The following WDR41 variants were observed in gnomAD, a reference collection of about 807,000 sequenced individuals.
The protein encoded by WDR41 is WD repeat-containing protein 41.
Under a neutral mutation model 69.3 loss-of-function variants are expected in WDR41, and 63 were observed. The observed-to-expected ratio is 0.91, with a 90% CI of 0.74 to 1.12. WDR41 has a LOEUF of 1.12. Ranked by LOEUF, WDR41 falls within the 50% of genes most tolerant of loss-of-function variation. WDR41 has a pLI of 0.00. For missense variants in WDR41, 543 were observed against 534.5 expected (o/e 1.02, Z -0.16); for synonymous variants, 185 against 192.1 (o/e 0.96, Z 0.31).
upstream of WDR41, among the ~76,000 whole-genome samples, chr5:77,497,249 T>C (rs1801947749): frequency 1.3e-5 from 2 of 152,038 alleles, no homozygotes; most frequent in Admixed American, 1.3e-4. Flanking sequence ...ATAAACCAAT[T>C]TGACTTCATC....
upstream of WDR41, among the ~76,000 whole-genome samples, chr5:77,493,672 A>G (rs941674062): frequency 2.6e-5 from 4 of 152,240 alleles, no homozygotes; most frequent in Non-Finnish European, 5.9e-5. Context: ...AGACCAAAAC[A>G]GAGACTATCC....
intron 1 of WDR41, among the ~76,000 whole-genome samples, chr5:77,504,820 A>G (rs918649998): frequency 1.3e-5 from 2 of 152,220 alleles, no homozygotes; most frequent in African/African-American, 4.8e-5. Context: ...GACAAAATTC[A>G]ACAGCCCTTC....
At chr5:77,545,787 G>A (rs776102611) in intron 1 of WDR41, 33 of 987,122 alleles carry the variant, frequency 3.3e-5, no homozygotes, top group Middle Eastern at 3.2e-4. Context: ...CAATGGCCAC[G>A]TCGGTCTGGG....
chr5:77,535,483 G>T (rs548643278), intron 1 of WDR41, among the ~76,000 whole-genome samples: 40 of 152,138 alleles, frequency 2.6e-4, no homozygotes, highest in East Asian at 1.7e-3. Context: ...CGTATATCTC[G>T]GTATAGTCAC....
In WDR41 at chr5:77,546,277, C is replaced by T. The variant is rs1743196912; in HGVS notation, c.43-56705G>A. Reference sequence around the variant, plus strand: ...GTGGCTACAACATAGAGTTTTTATACAAGAAAAATAAAGTGAATGAAGCTT... The same window carrying T: ...GTGGCTACAACATAGAGTTTTTATATAAGAAAAATAAAGTGAATGAAGCTT... On this transcript the variant is annotated intron_variant, in intron 1 of 5. Transcript: ENST00000509971. 15 of 318,052 alleles carry T rather than the reference C, an allele frequency of 4.7e-5. No homozygotes were observed. The Admixed American group carries it at 5.2e-4, about 11-fold the overall frequency. The allele number at this position is 318,052 out of a possible 1,614,324, so 19.7% of individuals were successfully genotyped here.
At chr5:77,499,404 CCT>C (rs1191651729) in intron 1 of WDR41, 1 of 152,212 alleles carries the variant, frequency 6.6e-6, no homozygotes, top group East Asian at 1.9e-4. Context: ...TGGGTCTTTT[CCT>C]CTCCTTTTTG....
At chr5:77,617,393 T>A (rs1744697851) in intron 1 of WDR41, among the ~76,000 whole-genome samples, 1 of 150,934 alleles carries the variant, frequency 6.6e-6, no homozygotes, top group African/African-American at 2.4e-5. Flanking sequence ...TCTACACACA[T>A]ACACACACAC....
In WDR41 at chr5:77,432,983, T is replaced by G. The variant is rs559237261; in HGVS notation, c.*152A>C. On this transcript the variant is annotated 3_prime_UTR_variant, in exon 13 of 13. Coordinates refer to ENST00000296679, the MANE Select transcript of WDR41 (RefSeq NM_018268.4). ...GACCTGAGAAGCAACATGTTCCTGG[T>G]TGGTAGGTCCACAAAAAATTTAAAC... 60 of 744,436 alleles carry G rather than the reference T, an allele frequency of 8.1e-5. No individual in the cohort carries two copies. In the African/African-American group the frequency reaches 8.8e-4, roughly 11 times the overall value. 46.1% of individuals were successfully genotyped at this position (744,436 alleles called of 1,614,324 possible).
chr5:77,502,283 C>A (rs1412258787), intron 1 of WDR41, among the ~76,000 whole-genome samples: 1 of 151,316 alleles, frequency 6.6e-6, no homozygotes, highest in African/African-American at 2.4e-5. Flanking sequence ...GATTGAAGAT[C>A]AAATTAATGA....
intron 1 of WDR41, among the ~76,000 whole-genome samples, chr5:77,500,045 C>G (rs1801993891): frequency 6.6e-6 from 1 of 152,072 alleles, no homozygotes; most frequent in African/African-American, 2.4e-5. Flanking sequence ...AGTATAAGCC[C>G]AAATTACTTG....
intron 1 of WDR41, among the ~76,000 whole-genome samples, chr5:77,581,105 C>T (rs1321615261): frequency 6.6e-6 from 1 of 151,900 alleles, no homozygotes; most frequent in African/African-American, 2.4e-5. Flanking sequence ...ATATGATCTA[C>T]AGGAGACACA....
chr5:77,472,150 T>C (rs529136092), intron 2 of WDR41, among the ~76,000 whole-genome samples: 1 of 152,288 alleles, frequency 6.6e-6, no homozygotes, highest in Non-Finnish European at 1.5e-5. Context: ...ATTCAGCATA[T>C]AAACAGAACC....
intron 4 of WDR41, among the ~76,000 whole-genome samples, chr5:77,459,761 A>G (rs1036028868): frequency 6.6e-6 from 1 of 152,214 alleles, no homozygotes; most frequent in Non-Finnish European, 1.5e-5. Flanking sequence ...ACGTATACAA[A>G]TGTATATGCA....
At chr5:77,583,318 C>A (rs962152348) in intron 1 of WDR41, among the ~76,000 whole-genome samples, 4 of 151,134 alleles carry the variant, frequency 2.6e-5, no homozygotes, top group African/African-American at 9.7e-5. Context: ...AGTTCAAGAC[C>A]AGCCTGAGCA....
rs138822979 is a variant in WDR41, at chr5:77,438,891, T to C, written c.883-530A>G. Among the ~76,000 whole-genome samples, 537 of 152,338 alleles carry C rather than the reference T, an allele frequency of 3.5e-3. 3 individuals carry two copies. The highest frequency in any genetic ancestry group is 0.012 in the African/African-American group (498 of 41,564). Reference sequence around the variant, plus strand: ...GTTTCAAAAAACATTTTTCCAAATGTACTATTAGAAATAAATACCTTTTTA... The same window carrying C: ...GTTTCAAAAAACATTTTTCCAAATGCACTATTAGAAATAAATACCTTTTTA... On this transcript the variant is annotated intron_variant, in intron 9 of 12. Transcript: ENST00000296679.
intron 1 of WDR41, among the ~76,000 whole-genome samples, chr5:77,570,959 C>T (rs1743722935): frequency 1.3e-5 from 2 of 151,352 alleles, no homozygotes; most frequent in South Asian, 4.2e-4. Context: ...CCCACTAAAA[C>T]TCAGTTCACA....
chr5:77,611,456 C>A (rs1181972623), intron 1 of WDR41, among the ~76,000 whole-genome samples: 1 of 152,080 alleles, frequency 6.6e-6, no homozygotes, highest in East Asian at 1.9e-4. Flanking sequence ...AACAAACTGT[C>A]TCTCAGACCA....
chr5:77,539,695 TACC>T (rs959792917), intron 1 of WDR41, among the ~76,000 whole-genome samples: 5 of 152,242 alleles, frequency 3.3e-5, no homozygotes, highest in Admixed American at 6.5e-5. Context: ...TAACAAATAG[TACC>T]AACTTCAAAT....
chr5:77,508,774 A>ACT (rs1274718519), intron 1 of WDR41, among the ~76,000 whole-genome samples: 1 of 150,946 alleles, frequency 6.6e-6, no homozygotes, highest in Non-Finnish European at 1.5e-5. Flanking sequence ...TAGCTTTGCT[A>ACT]AACTATTTTA....
Sources: allele counts gnomAD v4.1 joint callset (sites outside exome capture counted in the v4.1 genomes callset), GRCh38; gene constraint gnomAD v4.1.1; transcripts MANE v1.5; gene names NCBI Gene and HGNC (gene_info 2026-07-23, HGNC 2026-07-21).